PHLDB1: variants seen among roughly 807,000 people sequenced by gnomAD.
PHLDB1 encodes pleckstrin homology-like domain family B member 1.
Under a neutral mutation model 139.3 loss-of-function variants are expected in PHLDB1, and 65 were observed. That is an observed-to-expected ratio of 0.47 (90% confidence interval 0.38 to 0.57). The LOEUF is 0.57. PHLDB1 is among the 20% of genes least tolerant of loss of function. The pLI is 0.00. For synonymous variants in PHLDB1, 679 were observed against 734.5 expected, an observed-to-expected ratio of 0.92 and a Z score of 1.22; for missense variants, 1,624 against 1,839.7, an observed-to-expected ratio of 0.88 and a Z score of 2.14.
At chr11:118,613,210 C>T in intron 1 of PHLDB1, 2 of 851,974 alleles carry the variant, frequency 2.3e-6, no homozygotes, top group Non-Finnish European at 2.8e-6. Context: ...GTTGAGGTTG[C>T]TTTCTGGGGA....
intron 10 of PHLDB1, 152 bp from the exon 11 acceptor site, chr11:118,638,739 C>T: frequency 1.6e-6 from 1 of 617,742 alleles, no homozygotes; most frequent in African/African-American, 1.8e-5. Flanking sequence ...ACATGGCAGC[C>T]TGTTTTCTTA....
At chr11:118,614,044 G>C in intron 2 of PHLDB1, 148 bp downstream of exon 2, 1 of 609,386 alleles carries the variant, frequency 1.6e-6, no homozygotes, top group East Asian at 2.8e-5. Context: ...TAACAGCTCA[G>C]TCTTTATCTG....
intron 12 of PHLDB1, 196 bp downstream of exon 12, chr11:118,639,447 T>G: frequency 1.7e-6 from 1 of 601,748 alleles, no homozygotes. Context: ...TTTAGTTGCC[T>G]CTGGGGTTCC....
Position 118,645,332 on chromosome 11 carries a change from G to T in PHLDB1, c.3122-24G>T. Reference sequence around the variant, plus strand: ...CTTAGCTGCGTGGGGAGCCCACTGTGACTCCCATCTGTCTCTCCTTCAGGA... The same window carrying T: ...CTTAGCTGCGTGGGGAGCCCACTGTTACTCCCATCTGTCTCTCCTTCAGGA... On this transcript the variant is annotated intron_variant, in intron 15 of 22. Transcript: ENST00000600882. The surrounding 1 kb of genome is among the most constrained non-coding windows in gnomAD (Gnocchi z 5.1). 1 of 1,504,658 alleles carries T rather than the reference G, an allele frequency of 6.6e-7. No individual in the cohort carries two copies. Among genetic ancestry groups the T allele is most frequent in the South Asian group, 1.4e-5 (1 of 73,626 alleles). 93.2% of individuals were successfully genotyped at this position (1,504,658 alleles called of 1,614,324 possible).
At chr11:118,642,452 C>T in intron 13 of PHLDB1, 58 bp downstream of exon 13, 1 of 1,554,330 alleles carries the variant, frequency 6.4e-7, no homozygotes, top group Non-Finnish European at 8.7e-7. Flanking sequence ...ACTCTGATAC[C>T]TCCTGCCAAT....
chr11:118,623,117 G>A (rs998975104), intron 4 of PHLDB1, among the ~76,000 whole-genome samples: 1 of 152,202 alleles, frequency 6.6e-6, no homozygotes, highest in Non-Finnish European at 1.5e-5. Flanking sequence ...TTGCCCTTGC[G>A]GCCTGCCTGA....
At chr11:118,615,763 C>T (rs1555088616) in intron 3 of PHLDB1, 4 of 377,164 alleles carry the variant, frequency 1.1e-5, no homozygotes, top group East Asian at 8.3e-5. Flanking sequence ...AAGCAGTCTT[C>T]CTTCTCCATC....
intron 4 of PHLDB1, among the ~76,000 whole-genome samples, chr11:118,621,118 C>CT (rs1438163051): frequency 6.6e-6 from 1 of 152,160 alleles, no homozygotes; most frequent in African/African-American, 2.4e-5. Context: ...CTCCTGCCTC[C>CT]TGGCTCTTCA....
rs1555103437 is a variant in PHLDB1, at chr11:118,627,614, G to A, written c.791G>A (p.Ser264Asn). The A allele has an allele frequency of 3.1e-6, 5 of 1,613,238 alleles. No homozygotes were observed. In the South Asian group the frequency reaches 5.5e-5, roughly 18 times the overall value. ...AFSPLSSPAS[S>N]GSCASHSPSG... is the part of the protein sequence containing the mutation. ...TCTCCACTCTCTTCACCAGCCAGCA[G>A]TGGAAGCTGTGCCAGTCACTCACCC... The change falls in exon 6 of 23, where the codon AGT becomes AAT. Residue 264 changes from serine (S) to asparagine (N), a missense_variant. Transcript: ENST00000600882.
chr11:118,607,562 G>A, upstream of PHLDB1: 1 of 135,192 alleles, frequency 7.4e-6, no homozygotes, highest in East Asian at 2.7e-4. Context: ...GCGGGAGGGG[G>A]GCGGGACAGG....
At position 118,628,462 on chromosome 11, in the gene PHLDB1, C is replaced by T; in HGVS notation, c.1639C>T (p.Leu547Phe). The T allele has an allele frequency of 6.2e-7, 1 of 1,612,494 alleles. No homozygotes were observed. Among genetic ancestry groups the T allele is most frequent in the Non-Finnish European group, 8.5e-7 (1 of 1,179,696 alleles). ...GAGCCCAGCCTACAGTCTGGGCTCT[C>T]TTACTGGGGCTTCACCCTGCCAGAG... ...RLSPAYSLGSLTGASPCQSPC... is the reference protein window; with the variant it reads ...RLSPAYSLGSFTGASPCQSPC... The change falls in exon 6 of 23, where the codon CTT (leucine) becomes TTT (phenylalanine). Residue 547 changes from leucine (L) to phenylalanine (F), a missense_variant. Physicochemically the swap from Leu to Phe is conservative, Grantham distance 22. Transcript: ENST00000600882.
At chr11:118,639,283 C>T in intron 12 of PHLDB1, 32 bp downstream of exon 12, 1 of 1,541,996 alleles carries the variant, frequency 6.5e-7, no homozygotes, top group Non-Finnish European at 9.0e-7. Flanking sequence ...CAGCTTCAGG[C>T]CCAAGGCGTG....
chr11:118,610,502 C>A lies in PHLDB1; in HGVS notation c.-22+2803C>A. On this transcript the variant is annotated intron_variant, in intron 1 of 22. Coordinates refer to ENST00000600882, the MANE Select transcript of PHLDB1 (RefSeq NM_001144758.3). The surrounding 1 kb of genome is among the most constrained non-coding windows in gnomAD (Gnocchi z 8.7). ...CAGCCATGCACCGCTTGGGCCGAGG[C>A]CGAGGCCGACCCCCAGGGACACAGG... is the stretch of plus-strand genomic sequence containing the variant. The A allele has an allele frequency of 1.0e-6, 1 of 980,824 alleles. No individual in the cohort carries two copies. The allele number at this position is 980,824 out of a possible 1,614,324, so 60.8% of individuals were successfully genotyped here. A position where few individuals can be genotyped will look rare whatever the true frequency, so the allele number is the denominator to read the frequency against.
At chr11:118,619,477 T>C (rs576485576) in intron 4 of PHLDB1, among the ~76,000 whole-genome samples, 2 of 152,276 alleles carry the variant, frequency 1.3e-5, no homozygotes, top group South Asian at 4.1e-4. Flanking sequence ...CTTTTTCTGT[T>C]ATGAGACTGA....
intron 4 of PHLDB1, among the ~76,000 whole-genome samples, chr11:118,622,670 C>A (rs1371018272): frequency 1.3e-5 from 2 of 151,968 alleles, no homozygotes; most frequent in African/African-American, 2.4e-5. Flanking sequence ...GCTCCTGATC[C>A]CTACCACCCA....
intron 12 of PHLDB1, chr11:118,642,050 C>T (rs1946619634): frequency 1.6e-6 from 1 of 634,692 alleles, no homozygotes; most frequent in East Asian, 2.8e-5. Context: ...TTGATGCTCT[C>T]CTTTCTCCCT....
chr11:118,621,420 C>T (rs1555094815), intron 4 of PHLDB1: 1 of 152,368 alleles, frequency 6.6e-6, no homozygotes, highest in East Asian at 1.9e-4. Flanking sequence ...GCTGCTCGCT[C>T]CGAGCCTAGA....
At position 118,644,826 on chromosome 11, in the gene PHLDB1, C is replaced by T. The variant is rs927105141; in HGVS notation, c.3122-530C>T. 8.1e-6 allele frequency: 3 copies of T among 372,666 alleles called. No homozygotes were observed. In the East Asian group the frequency reaches 3.0e-4, roughly 37 times the overall value. The allele number at this position is 372,666 out of a possible 1,614,324, so 23.1% of individuals were successfully genotyped here. On this transcript the variant is annotated intron_variant, in intron 15 of 22. Coordinates refer to ENST00000600882, the MANE Select transcript of PHLDB1 (RefSeq NM_001144758.3). ...TGAGCTGGGTTGGGGTGTCTGCTGG[C>T]CTCACCCCTCCAGCTGGCCTCTCTT...
chr11:118,624,591 T>C (rs6589667), intron 4 of PHLDB1: 1 of 43,162 alleles, frequency 2.3e-5, no homozygotes, highest in Non-Finnish European at 4.9e-5. Context: ...TCTTCCTTTC[T>C]TTTTTTTTTT....
Sources: allele counts gnomAD v4.1 joint callset (sites outside exome capture counted in the v4.1 genomes callset), GRCh38; gene constraint gnomAD v4.1.1; non-coding constraint Gnocchi (gnomAD v3.1); transcripts MANE v1.5; gene names NCBI Gene and HGNC (gene_info 2026-07-23, HGNC 2026-07-21).